CLSTN3: variants seen among roughly 807,000 people sequenced by gnomAD.
CLSTN3 encodes the protein calsyntenin 3, also known as calsyntenin-3.
In CLSTN3, 36 loss-of-function variants were observed where a neutral mutation model predicts 95.9. The ratio of observed to expected loss-of-function variants is 0.38; its 90% CI spans 0.29 to 0.50. CLSTN3 has a LOEUF of 0.50. Ranked by LOEUF, CLSTN3 falls within the 20% of genes least tolerant of loss-of-function variation. The probability of loss-of-function intolerance (pLI) is 0.95; values close to 1 mark genes in which losing one functional copy is unlikely to be tolerated. For missense variants in CLSTN3, 1,084 were observed against 1,268.8 expected (o/e 0.85, Z 2.21); for synonymous variants, 481 against 504.0 (o/e 0.95, Z 0.61).
intron 6 of CLSTN3, 96 bp downstream of exon 6, chr12:7,136,487 T>G: frequency 2.4e-4 from 266 of 1,104,776 alleles, no homozygotes; most frequent in Non-Finnish European, 3.2e-4. Context: ...CCACTGGCCA[T>G]CCACAGGTGT....
rs998866516 is a variant in CLSTN3 at position 7,149,753 on chromosome 12, C to T, written c.2245+60C>T. 2 of 1,503,560 alleles carry T rather than the reference C, an allele frequency of 1.3e-6. No homozygotes were observed. Among genetic ancestry groups the T allele is most frequent in the Admixed American group, 3.9e-5 (2 of 50,716 alleles). 93.1% of individuals were successfully genotyped at this position (1,503,560 alleles called of 1,614,324 possible). On this transcript the variant is annotated intron_variant, in intron 14 of 17. Transcript: ENST00000266546. The surrounding 1 kb of genome is among the most constrained non-coding windows in gnomAD (Gnocchi z 4.5). ...GTGTGCCCCTCCCAAAAAGTAAGGG[C>T]CTAGGAAGCCCAGAGGGTCCTCCTT...
chr12:7,139,182 A>G (rs1185845293), intron 8 of CLSTN3, among the ~76,000 whole-genome samples: 1 of 152,240 alleles, frequency 6.6e-6, no homozygotes, highest in Non-Finnish European at 1.5e-5. Flanking sequence ...TTAAAAAGTA[A>G]ATAGACATGT....
At chr12:7,132,691 T>G in intron 1 of CLSTN3, 1 of 575,086 alleles carries the variant, frequency 1.7e-6, no homozygotes, top group East Asian at 2.8e-5. Flanking sequence ...GTCTCCATTC[T>G]CTAGCACGTG....
At chr12:7,130,822 C>T in intron 1 of CLSTN3, 110 bp downstream of exon 1, 1 of 958,862 alleles carries the variant, frequency 1.0e-6, no homozygotes, top group Non-Finnish European at 1.6e-6. Flanking sequence ...AGGTGTCTGG[C>T]CCTCTTCTGA....
chr12:7,143,909 C>G (rs181514686), intron 12 of CLSTN3, among the ~76,000 whole-genome samples: 7 of 152,140 alleles, frequency 4.6e-5, no homozygotes, highest in Non-Finnish European at 1.0e-4. Flanking sequence ...TCATATGGCC[C>G]CCTCAAACAG....
At position 7,149,026 on chromosome 12, in the gene CLSTN3, C is replaced by A; in HGVS notation, c.1902C>A (p.Val634=). The change falls in exon 13 of 18, where the codon GTC becomes GTA. Residue 634 remains valine, a synonymous_variant. Coordinates refer to ENST00000266546, the MANE Select transcript of CLSTN3 (RefSeq NM_014718.4). The surrounding 1 kb of genome is among the most constrained non-coding windows in gnomAD (Gnocchi z 4.5). ...VSIPEVEGYV[V]VLQPDAPQIL... The stretch of plus-strand genomic sequence containing the variant: ...TCCCTGAAGTGGAGGGCTACGTGGT[C>A]GTCCTTCAGCCTGACGCCCCCCAGA... 1.2e-6 allele frequency: 2 copies of A among 1,614,148 alleles called. No individual in the cohort carries two copies. Among genetic ancestry groups the A allele is most frequent in the Non-Finnish European group, 1.7e-6 (2 of 1,180,022 alleles).
chr12:7,130,296 C>T (rs189679611), upstream of CLSTN3: 189 of 883,802 alleles, frequency 2.1e-4, 4 homozygotes, highest in East Asian at 6.0e-3. Flanking sequence ...CCCGCTGCAG[C>T]ACCTGGTCCC....
rs761520601 is a variant in CLSTN3, at chr12:7,133,724, C to T, written c.339C>T (p.Asp113=). Residue 113 remains aspartate, a synonymous_variant, in exon 3 of 18, where the codon GAC becomes GAT. Coordinates refer to ENST00000266546, the MANE Select transcript of CLSTN3 (RefSeq NM_014718.4). This position sits in a 1 kb window ranked among gnomAD's most constrained non-coding sequence, Gnocchi z 4.7. ...KEHTFTIQAY[D]CGEGPDGANT... is the part of the protein sequence containing the mutation. The stretch of plus-strand genomic sequence containing the variant: ...ACACCTTCACCATCCAGGCCTATGA[C>T]TGTGGCGAGGGCCCCGACGGGGCCA... The T allele has an allele frequency of 2.2e-5, 36 of 1,606,214 alleles. No homozygotes were observed. In the South Asian group the frequency reaches 4.0e-4, roughly 18 times the overall value.
intron 16 of CLSTN3, among the ~76,000 whole-genome samples, chr12:7,155,580 G>T (rs980896061): frequency 1.3e-5 from 2 of 152,252 alleles, no homozygotes; most frequent in Non-Finnish European, 2.9e-5. Context: ...CACTGCCCCT[G>T]GCTCTGGTCT....
chr12:7,135,676 C>A, intron 4 of CLSTN3, 128 bp from the exon 5 acceptor site: 1 of 1,359,326 alleles, frequency 7.4e-7, no homozygotes, highest in African/African-American at 1.4e-5. Context: ...CTTCTCCTCC[C>A]AGATGCCTTT....
At position 7,149,098 on chromosome 12, in the gene CLSTN3, T is replaced by C; in HGVS notation, c.1974T>C (p.Phe658=). Reference sequence around the variant, plus strand: ...ATTTTGCCCGCCCAGCTGTGGACTTTGAGGGAACCAACGGCGTCCCTTTGT... The same window carrying C: ...ATTTTGCCCGCCCAGCTGTGGACTTCGAGGGAACCAACGGCGTCCCTTTGT... ...TAHFARPAVD[F]EGTNGVPLFP... Residue 658 remains phenylalanine (F), a synonymous_variant, in exon 13 of 18, where the codon TTT becomes TTC. Coordinates refer to ENST00000266546, the MANE Select transcript of CLSTN3 (RefSeq NM_014718.4). The surrounding 1 kb of genome is among the most constrained non-coding windows in gnomAD (Gnocchi z 4.5). 4 of 1,614,238 alleles carry C rather than the reference T, an allele frequency of 2.5e-6. No homozygotes were observed. The highest frequency in any genetic ancestry group is 2.7e-5 in the African/African-American group (2 of 75,058).
chr12:7,150,025 G>A lies in CLSTN3; in HGVS notation c.2245+332G>A, dbSNP rs1002510029. ...TTTCTAACCCTCTAGCTGTCTGTTT[G>A]TTACCGGTCATCTCTGTTGTTCAGC... On this transcript the variant is annotated intron_variant, in intron 14 of 17. Coordinates refer to ENST00000266546, the MANE Select transcript of CLSTN3 (RefSeq NM_014718.4). This position sits in a 1 kb window ranked among gnomAD's most constrained non-coding sequence, Gnocchi z 4.0. Among the ~76,000 whole-genome samples the A allele has an allele frequency of 3.9e-5, 6 of 152,126 alleles. No individual in the cohort carries two copies. The highest frequency in any genetic ancestry group is 1.4e-4 in the African/African-American group (6 of 41,412).
intron 3 of CLSTN3, among the ~76,000 whole-genome samples, chr12:7,134,108 T>G (rs149609491): frequency 6.6e-6 from 1 of 152,198 alleles, no homozygotes; most frequent in Admixed American, 6.5e-5. Context: ...AGATGGTTTG[T>G]GTTGAAAGCA....
chr12:7,139,128 C>G (rs1009920690), intron 8 of CLSTN3, among the ~76,000 whole-genome samples: 1 of 152,196 alleles, frequency 6.6e-6, no homozygotes, highest in Non-Finnish European at 1.5e-5. Context: ...GAAACAAAAT[C>G]TTTGCCATCA....
intron 16 of CLSTN3, chr12:7,156,608 T>C (rs1189514999): frequency 2.2e-6 from 1 of 456,428 alleles, no homozygotes; most frequent in Non-Finnish European, 4.4e-6. Context: ...GGCTCGGGTG[T>C]GGGGCGTGGC....
intron 10 of CLSTN3, 86 bp downstream of exon 10, chr12:7,142,225 C>A: frequency 1.8e-6 from 2 of 1,108,556 alleles, no homozygotes; most frequent in Non-Finnish European, 2.7e-6. Context: ...AAATCCTATC[C>A]AGCCTGTGAC....
chr12:7,155,648 T>C (rs1939802427), intron 16 of CLSTN3, among the ~76,000 whole-genome samples: 1 of 152,258 alleles, frequency 6.6e-6, no homozygotes, highest in African/African-American at 2.4e-5. Flanking sequence ...GAGACAGCTC[T>C]GTCCCCTCCT....
chr12:7,130,900 T>A, intron 1 of CLSTN3, 188 bp downstream of exon 1: 1 of 642,900 alleles, frequency 1.6e-6, no homozygotes, highest in East Asian at 2.7e-5. Context: ...CAGCTACATC[T>A]TCCTTTCTGG....
intron 3 of CLSTN3, among the ~76,000 whole-genome samples, chr12:7,135,081 C>G (rs1939378021): frequency 6.6e-6 from 1 of 151,976 alleles, no homozygotes; most frequent in Non-Finnish European, 1.5e-5. Flanking sequence ...GAGGCTGTAC[C>G]TTGGTGTACA....
Sources: gnomAD v4.1 joint callset for allele counts (sites outside exome capture counted in the v4.1 genomes callset) on GRCh38, gnomAD v4.1.1 for gene constraint, Gnocchi (gnomAD v3.1) non-coding constraint, MANE v1.5 for transcripts, NCBI Gene and HGNC (gene_info 2026-07-23, HGNC 2026-07-21) for gene names.